SEMA3E: variants seen among roughly 807,000 people sequenced by gnomAD.
The protein encoded by SEMA3E is semaphorin 3E.
SEMA3E carries 49 observed loss-of-function variants against 93.6 expected under a neutral mutation model. The ratio of observed to expected loss-of-function variants is 0.52; its 90% confidence interval spans 0.42 to 0.66. SEMA3E has a LOEUF of 0.66. Among genes scored for constraint, SEMA3E ranks in the 30% least tolerant of loss-of-function variants. The pLI, the probability that SEMA3E is intolerant of heterozygous loss-of-function variation, is 0.00. For missense variants in SEMA3E, 906 were observed against 964.8 expected, an observed-to-expected ratio of 0.94 and a Z score of 0.81; for synonymous variants, 363 against 330.7, an observed-to-expected ratio of 1.10 and a Z score of -1.06.
chr7:83,451,495 T>C (rs1053617190), intron 4 of SEMA3E, among the ~76,000 whole-genome samples: 4 of 152,214 alleles, frequency 2.6e-5, no homozygotes, highest in Non-Finnish European at 4.4e-5. Flanking sequence ...ATTCATTCCA[T>C]AGTTATTTAC....
intron 14 of SEMA3E, among the ~76,000 whole-genome samples, chr7:83,387,510 T>A (rs1206609047): frequency 6.6e-6 from 1 of 152,050 alleles, no homozygotes; most frequent in Non-Finnish European, 1.5e-5. Context: ...AAATAGTTTG[T>A]TCTATAGCCA....
At chr7:83,549,581 T>G (rs1791719014) in intron 1 of SEMA3E, among the ~76,000 whole-genome samples, 1 of 152,128 alleles carries the variant, frequency 6.6e-6, no homozygotes, top group African/African-American at 2.4e-5. Flanking sequence ...ATTGAATCAT[T>G]ATTGTCTCTG....
intron 13 of SEMA3E, among the ~76,000 whole-genome samples, chr7:83,392,941 T>C (rs1014493708): frequency 6.7e-6 from 1 of 150,310 alleles, no homozygotes; most frequent in Admixed American, 6.7e-5. Flanking sequence ...TGGTGGCGGA[T>C]GCCTGTAATC....
In SEMA3E at chr7:83,607,908, T is replaced by A. The variant is rs529287109; in HGVS notation, c.115+40520A>T. Among the ~76,000 whole-genome samples, 29 of 152,222 alleles carry A rather than the reference T, an allele frequency of 1.9e-4. 1 individual carries two copies. The South Asian group carries it at 6.0e-3, about 32-fold the overall frequency. On this transcript the variant is annotated intron_variant, in intron 1 of 16. Coordinates refer to ENST00000643230, the MANE Select transcript of SEMA3E (RefSeq NM_012431.3). The stretch of plus-strand genomic sequence containing the variant: ...AATTAGAGGTGTGGTATAACCAGAT[T>A]GGAATTTTTTAAAGATTATTTTAGC...
intron 1 of SEMA3E, among the ~76,000 whole-genome samples, chr7:83,607,177 A>G (rs1359687096): frequency 6.6e-6 from 1 of 152,226 alleles, no homozygotes; most frequent in Non-Finnish European, 1.5e-5. Context: ...AGCTGTACTT[A>G]CATAACTTTT....
intron 1 of SEMA3E, among the ~76,000 whole-genome samples, chr7:83,617,642 T>C (rs1323296634): frequency 1.4e-5 from 2 of 146,962 alleles, no homozygotes; most frequent in Non-Finnish European, 3.0e-5. Context: ...ATATAAATAA[T>C]ATAATTTATT....
intron 1 of SEMA3E, among the ~76,000 whole-genome samples, chr7:83,538,405 T>C (rs891488660): frequency 4.6e-5 from 7 of 152,174 alleles, no homozygotes; most frequent in Admixed American, 2.0e-4. Context: ...TATCTTATTA[T>C]AGTTTTGATT....
chr7:83,408,989 C>A (rs1285361561), intron 5 of SEMA3E, among the ~76,000 whole-genome samples: 3 of 152,050 alleles, frequency 2.0e-5, no homozygotes, highest in Middle Eastern at 3.2e-3. Context: ...AGTGTGGGAA[C>A]AACAAAGTCT....
At chr7:83,505,816 A>T (rs34153461) in intron 1 of SEMA3E, among the ~76,000 whole-genome samples, 1 of 151,450 alleles carries the variant, frequency 6.6e-6, no homozygotes, top group Admixed American at 6.6e-5. Context: ...GAGATCGAGA[A>T]CATCCTGGCT....
In SEMA3E at chr7:83,508,682, A is replaced by T. The variant is rs184943631; in HGVS notation, c.116-18408T>A. Among the ~76,000 whole-genome samples the T allele has an allele frequency of 1.2e-3, 186 of 152,350 alleles. 1 individual carries two copies. Among genetic ancestry groups the T allele is most frequent in the South Asian group, 2.3e-3 (11 of 4,834 alleles). On this transcript the variant is annotated intron_variant, in intron 1 of 16. Transcript: ENST00000643230. Reference sequence around the variant, plus strand: ...AATATTCAATGACATAGCATAGTACATCTGACATTTTAAATTATATTTTAT... The same window carrying T: ...AATATTCAATGACATAGCATAGTACTTCTGACATTTTAAATTATATTTTAT...
chr7:83,524,491 C>G (rs1791112635), intron 1 of SEMA3E, among the ~76,000 whole-genome samples: 1 of 152,042 alleles, frequency 6.6e-6, no homozygotes, highest in African/African-American at 2.4e-5. Flanking sequence ...CACATTTGTG[C>G]AGGGGCCACA....
chr7:83,371,397 A>C, intron 16 of SEMA3E: 1 of 152,228 alleles, frequency 6.6e-6, no homozygotes, highest in Admixed American at 6.5e-5. Flanking sequence ...TTATACATAC[A>C]CATATGTGGC....
At chr7:83,638,831 G>A (rs1793932361) in intron 1 of SEMA3E, among the ~76,000 whole-genome samples, 1 of 152,024 alleles carries the variant, frequency 6.6e-6, no homozygotes, top group African/African-American at 2.4e-5. Flanking sequence ...GAGATTCCTG[G>A]CCGGGCGCGG....
intron 4 of SEMA3E, among the ~76,000 whole-genome samples, chr7:83,453,218 CG>C (rs1410136728): frequency 6.6e-6 from 1 of 151,938 alleles, no homozygotes; most frequent in Non-Finnish European, 1.5e-5. Flanking sequence ...CTAGTAGAGA[CG>C]GGGTTTCACC....
At chr7:83,488,769 G>A (rs1790320165) in intron 2 of SEMA3E, among the ~76,000 whole-genome samples, 2 of 152,106 alleles carry the variant, frequency 1.3e-5, no homozygotes, top group African/African-American at 2.4e-5. Flanking sequence ...GCTCCAGCCA[G>A]ACAAGTGGAG....
chr7:83,379,195 G>C (rs1787722274), intron 16 of SEMA3E, among the ~76,000 whole-genome samples: 1 of 151,582 alleles, frequency 6.6e-6, no homozygotes, highest in Non-Finnish European at 1.5e-5. Flanking sequence ...TAAACAGTGA[G>C]TACAATTGGA....
chr7:83,576,113 AT>A (rs1792396630), intron 1 of SEMA3E, among the ~76,000 whole-genome samples: 1 of 152,214 alleles, frequency 6.6e-6, no homozygotes. Context: ...AGTTATTTTA[AT>A]TGTAAGAATT....
chr7:83,589,629 A>G (rs215309), intron 1 of SEMA3E, among the ~76,000 whole-genome samples: 3,504 of 152,312 alleles, frequency 0.023, 134 homozygotes, highest in African/African-American at 0.08. Flanking sequence ...GATGAAAATT[A>G]TTTTAAATAT....
At chr7:83,500,587 TTCC>T (rs1790578774) in intron 1 of SEMA3E, among the ~76,000 whole-genome samples, 1 of 91,202 alleles carries the variant, frequency 1.1e-5, no homozygotes, top group African/African-American at 4.2e-5. Flanking sequence ...TCTAACTTTC[TTCC>T]TTTTTTTTTT....
Sources: gnomAD v4.1 joint callset for allele counts (sites outside exome capture counted in the v4.1 genomes callset) on GRCh38, gnomAD v4.1.1 for gene constraint, MANE v1.5 for transcripts, NCBI Gene and HGNC (gene_info 2026-07-23, HGNC 2026-07-21) for gene names.